The following LIPF variants were observed in gnomAD, a reference collection of about 807,000 sequenced individuals.
LIPF encodes the protein gastric triacylglycerol lipase.
Under a neutral mutation model 38.0 loss-of-function variants are expected in LIPF, and 25 were observed. The observed-to-expected ratio is 0.66, with a 90% CI of 0.48 to 0.92. The LOEUF is 0.92. Among genes scored for constraint, LIPF ranks in the 40% least tolerant of loss-of-function variants. LIPF has a pLI of 0.00. For synonymous variants in LIPF, 161 were observed against 156.2 expected, an observed-to-expected ratio of 1.03 and a Z score of -0.23; for missense variants, 410 against 469.9, an observed-to-expected ratio of 0.87 and a Z score of 1.18.
Position 88,668,755 on chromosome 10 carries a change from A to C in LIPF, c.421A>C (p.Ser141Arg), listed in dbSNP as rs925738398. 2 of 1,612,870 alleles carry C rather than the reference A, an allele frequency of 1.2e-6. No homozygotes were observed. The highest frequency in any genetic ancestry group is 8.5e-7 in the Non-Finnish European group (1 of 1,179,006). The part of the protein sequence containing the change: ...SPDSVEFWAF[S>R]FDEMAKYDLP... ...AGATTCAGTTGAATTCTGGGCTTTC[A>C]GGTAAACAAAAGGGACAATTAAAAA... is the stretch of plus-strand genomic sequence containing the variant. Residue 141 changes from serine (S) to arginine (R), a missense_variant and splice_region_variant, in exon 4 of 10, where the codon AGC (serine) becomes CGC (arginine). Coordinates refer to ENST00000238983, the MANE Select transcript of LIPF (RefSeq NM_004190.4).
rs752201638 is a variant in LIPF at position 88,671,877 on chromosome 10, C to G, written c.581C>G (p.Thr194Ser). ...CCCAGCCTGGCTAAAAGAATCAAAA[C>G]CTTCTATGCTCTAGCTCCTGTTGCC... The part of the protein sequence containing the change: ...TNPSLAKRIK[T>S]FYALAPVATV... The change falls in exon 6 of 10, where the codon ACC becomes AGC. Residue 194 changes from threonine to serine, a missense_variant. Physicochemically the swap from Thr to Ser is moderately conservative, Grantham distance 58 (BLOSUM62 1). Coordinates refer to ENST00000238983, the MANE Select transcript of LIPF (RefSeq NM_004190.4). The G allele has an allele frequency of 6.2e-7, 1 of 1,613,374 alleles. No individual in the cohort carries two copies. Among genetic ancestry groups the G allele is most frequent in the Non-Finnish European group, 8.5e-7 (1 of 1,179,660 alleles).
Position 88,678,510 on chromosome 10 carries a change from G to C in LIPF, c.1026G>C (p.Lys342Asn), listed in dbSNP as rs1255137875. 3.7e-6 allele frequency: 6 copies of C among 1,613,794 alleles called. No homozygotes were observed. In the African/African-American group the frequency reaches 8.0e-5, roughly 22 times the overall value. Residue 342 changes from lysine to asparagine, a missense_variant, in exon 10 of 10, where the codon AAG becomes AAC. Transcript: ENST00000238983. ...NVPIAVWNGG[K>N]DLLADPQDVG... is the part of the protein sequence containing the mutation. ...CAATTGCAGTGTGGAACGGTGGCAA[G>C]GACCTGTTGGCTGACCCCCAAGATG...
At chr10:88,670,394 T>C (rs1841577004) in intron 5 of LIPF, among the ~76,000 whole-genome samples, 1 of 152,180 alleles carries the variant, frequency 6.6e-6, no homozygotes, top group African/African-American at 2.4e-5. Context: ...TGTAATATAT[T>C]TTAGATAATG....
chr10:88,672,668 A>ACT (rs1177143873), intron 6 of LIPF, among the ~76,000 whole-genome samples: 33 of 116,588 alleles, frequency 2.8e-4, no homozygotes, highest in South Asian at 1.2e-3. Context: ...ACACACACAC[A>ACT]CACTCTCTCT....
chr10:88,672,898 A>G (rs1841626290), intron 6 of LIPF, among the ~76,000 whole-genome samples: 1 of 152,180 alleles, frequency 6.6e-6, no homozygotes, highest in African/African-American at 2.4e-5. Flanking sequence ...TATTGGCTAC[A>G]TTGATTGAGA....
chr10:88,672,988 A>T (rs1225757738), intron 6 of LIPF, among the ~76,000 whole-genome samples: 1 of 152,214 alleles, frequency 6.6e-6, no homozygotes, highest in Non-Finnish European at 1.5e-5. Context: ...ATAGACCTCA[A>T]GTTAGAGGCT....
At chr10:88,666,048 T>C (rs1841508470) in intron 1 of LIPF, among the ~76,000 whole-genome samples, 1 of 152,182 alleles carries the variant, frequency 6.6e-6, no homozygotes, top group African/African-American at 2.4e-5. Flanking sequence ...AAAACTGATT[T>C]TTAAGAGATA....
In LIPF at chr10:88,668,564, G is replaced by A. The variant is rs145559458; in HGVS notation, c.230G>A (p.Arg77Lys). The change falls in exon 4 of 10, where the codon AGA (arginine) becomes AAA (lysine). Residue 77 changes from arginine (R) to lysine (K), a missense_variant. Coordinates refer to ENST00000238983, the MANE Select transcript of LIPF (RefSeq NM_004190.4). ...TAAACATTTTCTTCCTTAGGCCAGA[G>A]ACCTGTTGTGTTTTTGCAGCATGGT... is the stretch of plus-strand genomic sequence containing the variant. The part of the protein sequence containing the change: ...GKKNSGNTGQ[R>K]PVVFLQHGLL... 1.2e-6 allele frequency: 2 copies of A among 1,613,966 alleles called. No individual in the cohort carries two copies. The highest frequency in any genetic ancestry group is 1.7e-6 in the Non-Finnish European group (2 of 1,179,962).
intron 3 of LIPF, 146 bp downstream of exon 3, chr10:88,667,832 TG>T (rs1841537821): frequency 1.7e-6 from 1 of 571,620 alleles, no homozygotes; most frequent in Non-Finnish European, 3.1e-6. Flanking sequence ...AAAAATGTAA[TG>T]TCTTGCTCAT....
intron 6 of LIPF, among the ~76,000 whole-genome samples, chr10:88,672,670 A>ACACACACACACACACTCTCT (rs869259093): frequency 1.8e-5 from 2 of 110,498 alleles, no homozygotes; most frequent in African/African-American, 6.8e-5. Flanking sequence ...ACACACACAC[A>ACACACACACACACACTCTCT]CTCTCTCTCT....
intron 9 of LIPF, 96 bp downstream of exon 9, chr10:88,676,376 T>C (rs1841686675): frequency 1.4e-6 from 1 of 733,232 alleles, no homozygotes; most frequent in Non-Finnish European, 2.3e-6. Context: ...GCATCTGTTT[T>C]CCAAAGGAAT....
At chr10:88,673,839 C>A in intron 7 of LIPF, 105 bp downstream of exon 7, 1 of 804,880 alleles carries the variant, frequency 1.2e-6, no homozygotes, top group Non-Finnish European at 2.0e-6. Flanking sequence ...AGGTTCAGAA[C>A]TGCGATATCC....
At position 88,669,645 on chromosome 10, in the gene LIPF, T is replaced by G. The variant is rs1484439055; in HGVS notation, c.423-192T>G. The G allele has an allele frequency of 8.5e-6, 4 of 469,818 alleles. No individual in the cohort carries two copies. In the South Asian group the frequency reaches 9.0e-5, roughly 11 times the overall value. The allele number at this position is 469,818 out of a possible 1,614,324, so 29.1% of individuals were successfully genotyped here. A position where few individuals can be genotyped will look rare whatever the true frequency, so the allele number is the denominator to read the frequency against. The stretch of plus-strand genomic sequence containing the variant: ...TCAATTGTGGCTGCAATGCTGCGCT[T>G]CAGAAATGATGTCAGTTGTTTATAA... On this transcript the variant is annotated intron_variant, in intron 4 of 9. Transcript: ENST00000238983.
chr10:88,672,032 A>G (rs1172897227), intron 6 of LIPF, 67 bp downstream of exon 6: 2 of 1,391,064 alleles, frequency 1.4e-6, no homozygotes, highest in Non-Finnish European at 2.0e-6. Flanking sequence ...AAAGTTATAG[A>G]AAGAGAACAG....
chr10:88,667,303 G>A lies in LIPF; in HGVS notation c.6G>A (p.Trp2Ter). M[W>*]LLLTMASLIS... is the part of the protein sequence containing the mutation. ...TTCTTTCAGGCAGGTCCAAAATGTG[G>A]CTGCTTTTAACAATGGCAAGTTTGA... is the stretch of plus-strand genomic sequence containing the variant. The change falls in exon 2 of 10, where the codon TGG becomes TGA. Residue 2 changes from tryptophan (W) to a stop codon, truncating the protein, a stop_gained. Coordinates refer to ENST00000238983, the MANE Select transcript of LIPF (RefSeq NM_004190.4). LOFTEE classifies it high-confidence loss of function. 2 of 1,607,694 alleles carry A rather than the reference G, an allele frequency of 1.2e-6. No homozygotes were observed. Among genetic ancestry groups the A allele is most frequent in the Non-Finnish European group, 8.5e-7 (1 of 1,175,586 alleles).
intron 7 of LIPF, 50 bp from the exon 8 acceptor site, chr10:88,675,536 T>G (rs1439966835): frequency 2.1e-5 from 27 of 1,298,302 alleles, no homozygotes; most frequent in Non-Finnish European, 2.9e-5. Flanking sequence ...TTTAAGAAAC[T>G]GAGTATGTGT....
intron 5 of LIPF, among the ~76,000 whole-genome samples, chr10:88,671,323 A>G (rs1166061824): frequency 6.6e-6 from 1 of 152,178 alleles, no homozygotes; most frequent in Non-Finnish European, 1.5e-5. Context: ...AGAGGGAAAC[A>G]GTGGTTCTTA....
chr10:88,668,839 C>A, intron 4 of LIPF, 83 bp downstream of exon 4: 1 of 1,098,924 alleles, frequency 9.1e-7, no homozygotes. Flanking sequence ...CCCATTTTAA[C>A]AAATTACACT....
chr10:88,675,020 C>A (rs1240256267), intron 7 of LIPF, among the ~76,000 whole-genome samples: 2 of 152,148 alleles, frequency 1.3e-5, no homozygotes, highest in Non-Finnish European at 2.9e-5. Context: ...ATTTCATCTT[C>A]TGCGTAATAA....
Sources: allele counts gnomAD v4.1 joint callset (sites outside exome capture counted in the v4.1 genomes callset), GRCh38; gene constraint gnomAD v4.1.1; transcripts MANE v1.5; gene names NCBI Gene and HGNC (gene_info 2026-07-23, HGNC 2026-07-21).